DNAJC11: variants seen among roughly 807,000 people sequenced by gnomAD.
DNAJC11 encodes DnaJ heat shock protein family (Hsp40) member C11.
In DNAJC11, 15 loss-of-function variants were observed where a neutral mutation model predicts 78.6. The observed-to-expected ratio is 0.19, with a 90% CI of 0.13 to 0.29. The LOEUF (loss-of-function observed/expected upper bound fraction) is 0.29, where lower values mean the gene tolerates loss of function less well. Ranked by LOEUF, DNAJC11 falls within the 10% of genes least tolerant of loss-of-function variation. The probability of loss-of-function intolerance (pLI) is 1.00; values close to 1 mark genes in which losing one functional copy is unlikely to be tolerated. For missense variants in DNAJC11, 547 were observed against 709.6 expected (o/e 0.77, Z 2.60); for synonymous variants, 292 against 272.1 (o/e 1.07, Z -0.72).
chr1:6,679,647 C>A (rs1642525226), intron 2 of DNAJC11, among the ~76,000 whole-genome samples: 1 of 152,212 alleles, frequency 6.6e-6, no homozygotes, highest in South Asian at 2.1e-4. Flanking sequence ...AGGAGCCAAA[C>A]TTGTGTTCCT....
At position 6,681,043 on chromosome 1, in the gene DNAJC11, G is replaced by A; in HGVS notation, c.73-6C>T. 6.3e-7 allele frequency: 1 copy of A among 1,591,610 alleles called. No homozygotes were observed. The highest frequency in any genetic ancestry group is 8.6e-7 in the Non-Finnish European group (1 of 1,168,758). On this transcript the variant is annotated splice_region_variant and splice_polypyrimidine_tract_variant and intron_variant, in intron 1 of 15. Coordinates refer to ENST00000377577, the MANE Select transcript of DNAJC11 (RefSeq NM_018198.4). ...TTCAGCTCTTCAGAAGAGGCCTAAAGAAAGAAAAATTCAATTAGAGAACAA... is the reference window on the plus strand; with the variant it reads ...TTCAGCTCTTCAGAAGAGGCCTAAAAAAAGAAAAATTCAATTAGAGAACAA...
Position 6,634,558 on chromosome 1 carries a change from G to T in DNAJC11, c.*1117C>A, listed in dbSNP as rs1349587120. 1 of 1,365,498 alleles carries T rather than the reference G, an allele frequency of 7.3e-7. No individual in the cohort carries two copies. The highest frequency in any genetic ancestry group is 9.8e-7 in the Non-Finnish European group (1 of 1,021,656). 84.6% of individuals were successfully genotyped at this position (1,365,498 alleles called of 1,614,324 possible). On this transcript the variant is annotated 3_prime_UTR_variant, in exon 16 of 16. Transcript: ENST00000377577. ...CCACCTGTGCGGCGCTTGCTCCGAG[G>T]GGTCAGCAAGAGCAACTGATGGCTG...
At position 6,635,147 on chromosome 1, in the gene DNAJC11, G is replaced by A. The variant is rs762557054; in HGVS notation, c.*528C>T. ...AGATAAAAAGCAGTTTTATAAACCC[G>A]CAATCTGCTCCAGATTCAAGCAGTA... is the stretch of plus-strand genomic sequence containing the variant. On this transcript the variant is annotated 3_prime_UTR_variant, in exon 16 of 16. Transcript: ENST00000377577. 8 of 170,458 alleles carry A rather than the reference G, an allele frequency of 4.7e-5. No individual in the cohort carries two copies. The highest frequency in any genetic ancestry group is 2.8e-4 in the Admixed American group (5 of 18,086). 10.6% of individuals were successfully genotyped at this position (170,458 alleles called of 1,614,324 possible).
rs1641728816 is a variant in DNAJC11 at position 6,634,846 on chromosome 1, T to C, written c.*829A>G. On this transcript the variant is annotated 3_prime_UTR_variant, in exon 16 of 16. Coordinates refer to ENST00000377577, the MANE Select transcript of DNAJC11 (RefSeq NM_018198.4). ...CTTTGGGTTGGGTGTGTCTGATGTC[T>C]TGCCAAGCGCCTGGTCCTGTCCTCT... 3 of 1,235,844 alleles carry C rather than the reference T, an allele frequency of 2.4e-6. No individual in the cohort carries two copies. Among genetic ancestry groups the C allele is most frequent in the Non-Finnish European group, 3.1e-6 (3 of 953,716 alleles). The allele number at this position is 1,235,844 out of a possible 1,614,324, so 76.6% of individuals were successfully genotyped here.
At chr1:6,667,034 G>GAACA (rs1642304204) in intron 4 of DNAJC11, among the ~76,000 whole-genome samples, 1 of 152,182 alleles carries the variant, frequency 6.6e-6, no homozygotes, top group African/African-American at 2.4e-5. Flanking sequence ...CACACGTGCA[G>GAACA]AACAACCTCC....
intron 1 of DNAJC11, among the ~76,000 whole-genome samples, chr1:6,693,248 T>G (rs1285799763): frequency 6.6e-6 from 1 of 152,072 alleles, no homozygotes; most frequent in Non-Finnish European, 1.5e-5. Context: ...TAGCATACAT[T>G]CTAGCACTAT....
intron 4 of DNAJC11, chr1:6,654,294 A>G: frequency 8.8e-6 from 3 of 342,316 alleles, no homozygotes; most frequent in East Asian, 6.4e-5. Context: ...ATGTCTGCAG[A>G]GCAATGACAC....
rs778880265 is a variant in DNAJC11 at position 6,645,858 on chromosome 1, A to G, written c.825T>C (p.Gly275=). ...NTVGYLQWRW[G]IQSAMNTSIV... ...TGCTAGTGTTCATGGCTGACTGGAT[A>G]CCCCATCGCCACTGCAGGTAGCCCA... The change falls in exon 8 of 16, where the codon GGT becomes GGC. Residue 275 remains glycine (G), a synonymous_variant. Coordinates refer to ENST00000377577, the MANE Select transcript of DNAJC11 (RefSeq NM_018198.4). This position sits in a 1 kb window ranked among gnomAD's most constrained non-coding sequence, Gnocchi z 4.1. The G allele has an allele frequency of 2.5e-6, 4 of 1,613,906 alleles. No homozygotes were observed. In the South Asian group the frequency reaches 3.3e-5, roughly 13 times the overall value.
At chr1:6,656,100 T>TAAAAAGAA (rs1642122191) in intron 4 of DNAJC11, among the ~76,000 whole-genome samples, 1 of 88,884 alleles carries the variant, frequency 1.1e-5, no homozygotes, top group Non-Finnish European at 2.2e-5. Flanking sequence ...AGACTCCGTC[T>TAAAAAGAA]AAAAAAAAAA....
intron 7 of DNAJC11, among the ~76,000 whole-genome samples, chr1:6,646,822 TTC>T (rs1241487134): frequency 6.6e-6 from 1 of 152,134 alleles, no homozygotes; most frequent in Non-Finnish European, 1.5e-5. Flanking sequence ...CTAAGTTTCT[TTC>T]TCTCCTTTCT....
intron 1 of DNAJC11, among the ~76,000 whole-genome samples, chr1:6,690,163 T>C (rs577537291): frequency 1.4e-4 from 22 of 152,226 alleles, no homozygotes; most frequent in African/African-American, 5.1e-4. Flanking sequence ...ACTTAGTTCA[T>C]GAAAGTGAAA....
At chr1:6,650,977 A>G (rs1367869710) in intron 7 of DNAJC11, 5 of 493,132 alleles carry the variant, frequency 1.0e-5, no homozygotes, top group South Asian at 6.0e-5. Context: ...CCCTCCACCA[A>G]TTCTTTTATC....
chr1:6,679,703 T>A (rs1047692590), intron 2 of DNAJC11, among the ~76,000 whole-genome samples: 4 of 152,202 alleles, frequency 2.6e-5, no homozygotes, highest in Non-Finnish European at 4.4e-5. Flanking sequence ...TTTACCTGAG[T>A]CTCCCTTTAA....
chr1:6,678,016 T>A (rs758828696), intron 3 of DNAJC11, among the ~76,000 whole-genome samples: 1 of 152,166 alleles, frequency 6.6e-6, no homozygotes, highest in Non-Finnish European at 1.5e-5. Context: ...CACAGAACTG[T>A]GGAGGGTGGA....
At chr1:6,674,548 A>T (rs1247819231) in intron 3 of DNAJC11, among the ~76,000 whole-genome samples, 2 of 152,104 alleles carry the variant, frequency 1.3e-5, no homozygotes, top group African/African-American at 4.8e-5. Flanking sequence ...CAACAGAGCA[A>T]GACTCCGTCT....
rs557751107 is a variant in DNAJC11, at chr1:6,653,558, T to C, written c.507+353A>G. Among the ~76,000 whole-genome samples the C allele has an allele frequency of 6.6e-6, 1 of 152,138 alleles. No individual in the cohort carries two copies. Among genetic ancestry groups the C allele is most frequent in the Non-Finnish European group, 1.5e-5 (1 of 68,026 alleles). The stretch of plus-strand genomic sequence containing the variant: ...ATAGCCTTGCGGCACCTAGCAGAAT[T>C]TGCCTTAAAACTAAAACTGGTTGTT... On this transcript the variant is annotated intron_variant, in intron 5 of 15. Coordinates refer to ENST00000377577, the MANE Select transcript of DNAJC11 (RefSeq NM_018198.4). The surrounding 1 kb of genome is among the most constrained non-coding windows in gnomAD (Gnocchi z 4.5).
Position 6,634,244 on chromosome 1 carries a change from C to G in DNAJC11, c.*1431G>C. 1.2e-6 allele frequency: 1 copy of G among 867,176 alleles called. No homozygotes were observed. The allele number at this position is 867,176 out of a possible 1,614,324, so 53.7% of individuals were successfully genotyped here. On this transcript the variant is annotated 3_prime_UTR_variant, in exon 16 of 16. Coordinates refer to ENST00000377577, the MANE Select transcript of DNAJC11 (RefSeq NM_018198.4). ...GCAAATGAAACGCAGAGGATGGGTG[C>G]CCAGAAGCACCTGCGGCAGAGGCGC...
chr1:6,676,562 C>T (rs1303533531), intron 3 of DNAJC11, among the ~76,000 whole-genome samples: 1 of 152,012 alleles, frequency 6.6e-6, no homozygotes, highest in Non-Finnish European at 1.5e-5. Context: ...TGCCTGTAGT[C>T]GCAGCTACTT....
At chr1:6,695,940 T>A (rs539906875) in intron 1 of DNAJC11, among the ~76,000 whole-genome samples, 1 of 152,222 alleles carries the variant, frequency 6.6e-6, no homozygotes, top group African/African-American at 2.4e-5. Flanking sequence ...CCTCCCTCTA[T>A]CCCATTGTTA....
Sources: allele counts gnomAD v4.1 joint callset (sites outside exome capture counted in the v4.1 genomes callset), GRCh38; gene constraint gnomAD v4.1.1; non-coding constraint Gnocchi (gnomAD v3.1); transcripts MANE v1.5; gene names NCBI Gene and HGNC (gene_info 2026-07-23, HGNC 2026-07-21).